Variants in REV3L observed in about 807,000 individuals in gnomAD.
The protein encoded by REV3L is DNA polymerase zeta catalytic subunit.
REV3L carries 69 observed loss-of-function variants against 299.4 expected under a neutral mutation model. The observed-to-expected ratio is 0.23, with a 90% confidence interval of 0.19 to 0.28. REV3L has a LOEUF of 0.28. REV3L is among the 10% of genes least tolerant of loss of function. REV3L has a pLI of 1.00. For missense variants in REV3L, 3,128 were observed against 3,693.8 expected (o/e 0.85, Z 3.97); for synonymous variants, 1,238 against 1,271.4 (o/e 0.97, Z 0.56).
intron 1 of REV3L, among the ~76,000 whole-genome samples, chr6:111,456,788 AC>A (rs1486242322): frequency 2.0e-5 from 3 of 152,158 alleles, no homozygotes; most frequent in Non-Finnish European, 4.4e-5. Flanking sequence ...AATCTGACAC[AC>A]CTGAATTGAT....
intron 5 of REV3L, among the ~76,000 whole-genome samples, chr6:111,391,289 C>T (rs1490927091): frequency 2.6e-5 from 4 of 152,112 alleles, no homozygotes; most frequent in African/African-American, 9.7e-5. Context: ...TGGTCTTGAA[C>T]TCCTGACCTC....
chr6:111,413,116 C>T (rs370039367), intron 2 of REV3L, among the ~76,000 whole-genome samples: 1 of 152,126 alleles, frequency 6.6e-6, no homozygotes, highest in African/African-American at 2.4e-5. Context: ...TAAAGAAAGA[C>T]ATATTACATA....
intron 1 of REV3L, among the ~76,000 whole-genome samples, chr6:111,434,545 G>C (rs1262431934): frequency 6.6e-6 from 1 of 151,852 alleles, no homozygotes; most frequent in Non-Finnish European, 1.5e-5. Context: ...CGTGAACCCG[G>C]GAAGCGGAGC....
intron 21 of REV3L, among the ~76,000 whole-genome samples, chr6:111,341,478 C>T (rs1051061758): frequency 6.6e-6 from 1 of 152,146 alleles, no homozygotes; most frequent in Non-Finnish European, 1.5e-5. Flanking sequence ...AAGCAGTTTC[C>T]CCAAATATTA....
chr6:111,415,300 G>A (rs1478190676), intron 2 of REV3L, among the ~76,000 whole-genome samples: 4 of 152,098 alleles, frequency 2.6e-5, no homozygotes, highest in South Asian at 2.1e-4. Flanking sequence ...AGAAGAAGCC[G>A]GCATAGCCAC....
intron 21 of REV3L, among the ~76,000 whole-genome samples, chr6:111,338,825 AACTC>A (rs1388886225): frequency 2.6e-5 from 4 of 152,264 alleles, no homozygotes; most frequent in South Asian, 4.1e-4. Flanking sequence ...ACATATAACT[AACTC>A]TTTTTAAAAA....
Position 111,409,816 on chromosome 6 carries a change from T to G in REV3L, c.404+1664A>C, listed in dbSNP as rs1784059117. On this transcript the variant is annotated intron_variant, in intron 3 of 31. Coordinates refer to ENST00000368802, the MANE Select transcript of REV3L (RefSeq NM_001372078.1). ...TTCTGCAGTAATCAGAAACTGAGGC[T>G]TAGTGGAGAGAAAATAAATGGATGA... 2.0e-5 allele frequency among the ~76,000 whole-genome samples: 3 copies of G among 152,188 alleles called. No individual in the cohort carries two copies. In the South Asian group the frequency reaches 6.2e-4, roughly 31 times the overall value.
At chr6:111,422,615 C>CAT (rs200341270) in intron 1 of REV3L, among the ~76,000 whole-genome samples, 206 of 13,642 alleles carry the variant, frequency 0.015, 43 homozygotes, top group Middle Eastern at 0.062. Context: ...TATATATACA[C>CAT]ATATATATAT....
intron 4 of REV3L, among the ~76,000 whole-genome samples, chr6:111,399,690 T>G (rs377709899): frequency 1.4e-3 from 215 of 152,110 alleles, no homozygotes; most frequent in African/African-American, 4.9e-3. Flanking sequence ...TACGAGTTTT[T>G]GGCAAGAATA....
chr6:111,402,648 T>C (rs1459750893), intron 4 of REV3L, among the ~76,000 whole-genome samples: 2 of 152,152 alleles, frequency 1.3e-5, no homozygotes, highest in Non-Finnish European at 2.9e-5. Context: ...AAACCCTCCC[T>C]GGTGACTTTT....
chr6:111,370,073 T>C (rs944799464), intron 13 of REV3L, among the ~76,000 whole-genome samples: 4 of 152,142 alleles, frequency 2.6e-5, no homozygotes, highest in Admixed American at 6.5e-5. Flanking sequence ...CCTTGTGATC[T>C]GCCCACCTTG....
At chr6:111,408,112 C>G (rs756408348) in intron 3 of REV3L, among the ~76,000 whole-genome samples, 1 of 152,098 alleles carries the variant, frequency 6.6e-6, no homozygotes, top group Non-Finnish European at 1.5e-5. Context: ...GAATAGCCGA[C>G]AGATGGAAGC....
intron 1 of REV3L, among the ~76,000 whole-genome samples, chr6:111,453,595 T>C (rs1789806994): frequency 6.6e-6 from 1 of 152,226 alleles, no homozygotes; most frequent in Admixed American, 6.5e-5. Context: ...CACTATATAC[T>C]GCTTAGTAGC....
chr6:111,368,082 A>G (rs1254322255), intron 13 of REV3L, 54 bp from the exon 14 acceptor site: 1 of 1,429,942 alleles, frequency 7.0e-7, no homozygotes, highest in South Asian at 1.4e-5. Flanking sequence ...AATTACCAAA[A>G]TATTTAACTC....
In REV3L at chr6:111,338,312, C is replaced by CTTTTTTTTTTT. The variant is rs144497761; in HGVS notation, c.7539-2713_7539-2703dup. On this transcript the variant is annotated intron_variant, in intron 21 of 31. Coordinates refer to ENST00000368802, the MANE Select transcript of REV3L (RefSeq NM_001372078.1). Reference sequence around the variant, plus strand: ...TCTTTGTTTACTCCAGTCTAAAGTCCTTTTTTTTTTTTTTTTTTTTTTTTT... The same window carrying CTTTTTTTTTTT: ...TCTTTGTTTACTCCAGTCTAAAGTCCTTTTTTTTTTTTTTTTTTTTTTTTTTTTTTTTTTTT... Among the ~76,000 whole-genome samples, 7 of 47,938 alleles carry CTTTTTTTTTTT rather than the reference C, an allele frequency of 1.5e-4. 1 individual carries two copies. Among genetic ancestry groups the CTTTTTTTTTTT allele is most frequent in the African/African-American group, 2.6e-4 (2 of 7,714 alleles). 31.4% of individuals were successfully genotyped at this position (47,938 alleles called of 152,430 possible). A position where few individuals can be genotyped will look rare whatever the true frequency, so the allele number is the denominator to read the frequency against.
chr6:111,384,836 T>C (rs904707007), intron 9 of REV3L, among the ~76,000 whole-genome samples: 2 of 152,192 alleles, frequency 1.3e-5, no homozygotes, highest in African/African-American at 4.8e-5. Flanking sequence ...CAGCCAAGAT[T>C]TGGAAGCAAT....
rs779606318 is a variant in REV3L at position 111,411,482 on chromosome 6, T to C, written c.402A>G (p.Lys134=). Residue 134 remains lysine (K), a splice_region_variant and synonymous_variant, in exon 3 of 32, where the codon AAA becomes AAG. Transcript: ENST00000368802. ...TTTGGTTTCATTTATCTTTGTACCT[T>C]TTCACCATTGTAGGATTGTAAAGAT... ...KIYLYNPTMV[K]RICELLQSGA... is the part of the protein sequence containing the mutation. 2.7e-5 allele frequency: 42 copies of C among 1,566,058 alleles called. No homozygotes were observed. The South Asian group carries it at 3.7e-4, about 14-fold the overall frequency.
At chr6:111,343,766 G>A (rs17539951) in intron 21 of REV3L, among the ~76,000 whole-genome samples, 159 bp downstream of exon 21, 16,373 of 152,246 alleles carry the variant, frequency 0.11, 1,166 homozygotes, top group Middle Eastern at 0.2. Flanking sequence ...CTGATGTCAG[G>A]TGATGTGCCC....
intron 1 of REV3L, among the ~76,000 whole-genome samples, chr6:111,448,332 CTTT>C (rs1180380970): frequency 6.6e-6 from 1 of 151,682 alleles, no homozygotes; most frequent in Non-Finnish European, 1.5e-5. Flanking sequence ...TGGAGGTTTT[CTTT>C]TTTTTCTTTT....
Sources: gnomAD v4.1 joint callset for allele counts (sites outside exome capture counted in the v4.1 genomes callset) on GRCh38, gnomAD v4.1.1 for gene constraint, MANE v1.5 for transcripts, NCBI Gene and HGNC (gene_info 2026-07-23, HGNC 2026-07-21) for gene names.